Variants in ERBB4 observed in about 807,000 individuals in gnomAD.
ERBB4 encodes erb-b2 receptor tyrosine kinase 4.
A neutral mutation model predicts 158.0 loss-of-function variants in ERBB4; 42 were observed. The observed-to-expected ratio is 0.27, with a 90% CI of 0.21 to 0.34. The LOEUF is 0.34. ERBB4 is among the 10% of genes least tolerant of loss of function. The pLI is 1.00. For synonymous variants in ERBB4, 583 were observed against 558.7 expected (o/e 1.04, Z -0.61); for missense variants, 1,333 against 1,624.1 (o/e 0.82, Z 3.08).
intron 1 of ERBB4, among the ~76,000 whole-genome samples, chr2:212,195,326 C>T (rs1484970257): frequency 6.6e-6 from 1 of 151,890 alleles, no homozygotes; most frequent in Non-Finnish European, 1.5e-5. Context: ...CAAGGTGTTA[C>T]TTTCTAAGAA....
rs1408036441 is a variant in ERBB4 at position 211,630,494 on chromosome 2, T to C, written c.2047A>G (p.Lys683Glu). The change falls in exon 17 of 28, where the codon AAA (lysine) becomes GAA (glutamate). Residue 683 changes from lysine to glutamate, a missense_variant. This residue lies in a region of ERBB4 where 314 missense variants were observed against 437.6 expected (regional missense o/e 0.72). Transcript: ENST00000342788. Reference sequence around the variant, plus strand: ...TCCAAGAATCTTCTCAAGGCTCTTTTCTTTTTGATGCTCTTCCTTCTAACA... The same window carrying C: ...TCCAAGAATCTTCTCAAGGCTCTTTCCTTTTTGATGCTCTTCCTTCTAACA... ...VYVRRKSIKK[K>E]RALRRFLETE... is the part of the protein sequence containing the mutation. 2 of 1,613,404 alleles carry C rather than the reference T, an allele frequency of 1.2e-6. No homozygotes were observed. Among genetic ancestry groups the C allele is most frequent in the Non-Finnish European group, 1.7e-6 (2 of 1,179,522 alleles).
intron 3 of ERBB4, among the ~76,000 whole-genome samples, chr2:211,913,051 G>A (rs1326458926): frequency 6.6e-6 from 1 of 152,096 alleles, no homozygotes; most frequent in Admixed American, 6.6e-5. Flanking sequence ...ATAAGCTTCT[G>A]TACCTCATAA....
chr2:212,024,508 T>A (rs912454195), intron 2 of ERBB4, among the ~76,000 whole-genome samples: 4 of 152,106 alleles, frequency 2.6e-5, no homozygotes, highest in African/African-American at 9.6e-5. Flanking sequence ...AGGCTCAAGT[T>A]GTTCCTTAGA....
chr2:211,887,253 T>TACACACACACACACACAC (rs112197898), intron 3 of ERBB4, among the ~76,000 whole-genome samples: 41 of 145,404 alleles, frequency 2.8e-4, no homozygotes, highest in Middle Eastern at 3.5e-3. Context: ...AACAGAGGAT[T>TACACACACACACACACAC]ACACACACAC....
intron 20 of ERBB4, among the ~76,000 whole-genome samples, chr2:211,509,665 C>T (rs2065841416): frequency 6.6e-6 from 1 of 152,018 alleles, no homozygotes; most frequent in Admixed American, 6.6e-5. Flanking sequence ...ACAGTCTACA[C>T]AATGGGAGAG....
chr2:212,384,920 T>TATATACAC (rs764463489), intron 1 of ERBB4, among the ~76,000 whole-genome samples: 5 of 123,764 alleles, frequency 4.0e-5, no homozygotes, highest in African/African-American at 1.7e-4. Context: ...TATATATATA[T>TATATACAC]ACACACACAC....
At chr2:211,389,087 G>C (rs1352859010) in intron 25 of ERBB4, among the ~76,000 whole-genome samples, 1 of 152,172 alleles carries the variant, frequency 6.6e-6, no homozygotes, top group Non-Finnish European at 1.5e-5. Flanking sequence ...CCAGGCTGGA[G>C]TGCAGTGGTG....
chr2:211,801,141 AG>A (rs1397191647), intron 3 of ERBB4, among the ~76,000 whole-genome samples: 1 of 152,222 alleles, frequency 6.6e-6, no homozygotes, highest in Non-Finnish European at 1.5e-5. Flanking sequence ...AGAAAGCAAA[AG>A]TGCAAAATAT....
intron 13 of ERBB4, 88 bp from the exon 14 acceptor site, chr2:211,673,345 C>T: frequency 1.1e-6 from 1 of 910,472 alleles, no homozygotes. Flanking sequence ...GTCCTATTGG[C>T]AGAGTAAATT....
chr2:211,506,017 C>T (rs62178825), intron 20 of ERBB4, among the ~76,000 whole-genome samples: 1 of 150,152 alleles, frequency 6.7e-6, no homozygotes, highest in East Asian at 2.0e-4. Flanking sequence ...CAAGACCCAA[C>T]CATCTGCAGC....
intron 19 of ERBB4, among the ~76,000 whole-genome samples, chr2:211,586,302 A>G (rs1449567665): frequency 6.6e-6 from 1 of 152,190 alleles, no homozygotes; most frequent in African/African-American, 2.4e-5. Flanking sequence ...TTTAACATAT[A>G]AAGAGTATAT....
intron 4 of ERBB4, among the ~76,000 whole-genome samples, chr2:211,760,875 A>G (rs7582099): frequency 6.6e-6 from 1 of 151,990 alleles, no homozygotes; most frequent in African/African-American, 2.4e-5. Context: ...TCACAACAAC[A>G]TGATAGCATA....
chr2:212,537,748 CTTTTT>C (rs10639453), intron 1 of ERBB4, among the ~76,000 whole-genome samples: 3 of 143,586 alleles, frequency 2.1e-5, no homozygotes, highest in East Asian at 2.0e-4. Context: ...TGTGCCAAGC[CTTTTT>C]TTTTTTTTTT....
chr2:211,900,501 G>T (rs2079207474), intron 3 of ERBB4, among the ~76,000 whole-genome samples: 1 of 151,962 alleles, frequency 6.6e-6, no homozygotes, highest in African/African-American at 2.4e-5. Context: ...GTTCCTGTTT[G>T]CAGGAATTTG....
At chr2:211,796,447 T>C (rs2076384528) in intron 3 of ERBB4, among the ~76,000 whole-genome samples, 1 of 152,014 alleles carries the variant, frequency 6.6e-6, no homozygotes, top group South Asian at 2.1e-4. Context: ...TTTAGATGAT[T>C]ATATGTACAC....
At chr2:211,677,823 G>A (rs1297785371) in intron 13 of ERBB4, among the ~76,000 whole-genome samples, 6 of 152,222 alleles carry the variant, frequency 3.9e-5, no homozygotes, top group East Asian at 1.9e-4. Context: ...GCAGTGAGTC[G>A]AGATCGCACC....
chr2:212,113,115 A>G (rs2079463909), intron 2 of ERBB4, among the ~76,000 whole-genome samples: 2 of 152,274 alleles, frequency 1.3e-5, no homozygotes, highest in African/African-American at 2.4e-5. Flanking sequence ...GGATGAAAAT[A>G]CAGATCGAAT....
At chr2:212,177,621 A>G (rs2081712515) in intron 1 of ERBB4, among the ~76,000 whole-genome samples, 1 of 152,028 alleles carries the variant, frequency 6.6e-6, no homozygotes, top group East Asian at 1.9e-4. Flanking sequence ...ATTTTTCAAG[A>G]AGCTTATCAA....
At chr2:211,620,135 A>T (rs1227854577) in intron 18 of ERBB4, among the ~76,000 whole-genome samples, 1 of 152,162 alleles carries the variant, frequency 6.6e-6, no homozygotes, top group Non-Finnish European at 1.5e-5. Flanking sequence ...ACATACAAGG[A>T]TGCACAGGTT....
Sources: allele counts gnomAD v4.1 joint callset (sites outside exome capture counted in the v4.1 genomes callset), GRCh38; gene constraint gnomAD v4.1.1; regional missense constraint gnomAD v4.1.1; transcripts MANE v1.5; gene names NCBI Gene and HGNC (gene_info 2026-07-23, HGNC 2026-07-21).